FHIT: variants seen among roughly 807,000 people sequenced by gnomAD.
The protein encoded by FHIT is bis(5'-adenosyl)-triphosphatase.
A neutral mutation model predicts 17.9 loss-of-function variants in FHIT; 19 were observed. The observed-to-expected ratio is 1.06, with a 90% CI of 0.74 to 1.56. The LOEUF (loss-of-function observed/expected upper bound fraction) is 1.56. Ranked by LOEUF, FHIT falls within the 40% of genes most tolerant of loss-of-function variation. The pLI is 0.00. For missense variants in FHIT, 248 were observed against 189.2 expected, an observed-to-expected ratio of 1.31 and a Z score of -1.82; for synonymous variants, 81 against 69.7, an observed-to-expected ratio of 1.16 and a Z score of -0.81.
At chr3:60,759,292 C>T (rs558598968) in intron 4 of FHIT, among the ~76,000 whole-genome samples, 32 of 152,258 alleles carry the variant, frequency 2.1e-4, no homozygotes, top group African/African-American at 6.7e-4. Flanking sequence ...AGAACACTTA[C>T]GCAAAAGTCT....
At chr3:61,048,435 C>T (rs2033897612) in intron 2 of FHIT, among the ~76,000 whole-genome samples, 2 of 152,170 alleles carry the variant, frequency 1.3e-5, no homozygotes, top group Non-Finnish European at 2.9e-5. Flanking sequence ...GAGATACCAT[C>T]TCACATCAGT....
chr3:60,710,195 G>T (rs1320420273), intron 4 of FHIT, among the ~76,000 whole-genome samples: 1 of 151,874 alleles, frequency 6.6e-6, no homozygotes, highest in East Asian at 1.9e-4. Flanking sequence ...ATAGTGCATG[G>T]CAGTGAAAAA....
At chr3:59,948,791 CT>C (rs1248332732) in intron 7 of FHIT, among the ~76,000 whole-genome samples, 2 of 151,994 alleles carry the variant, frequency 1.3e-5, no homozygotes, top group Non-Finnish European at 2.9e-5. Context: ...CTATTTATGT[CT>C]TTTGTCCACT....
At chr3:61,212,806 G>A (rs547098791) in intron 1 of FHIT, among the ~76,000 whole-genome samples, 22 of 152,288 alleles carry the variant, frequency 1.4e-4, no homozygotes, top group Admixed American at 2.6e-4. Context: ...CGGATATCTC[G>A]GCAGAAATTC....
intron 7 of FHIT, among the ~76,000 whole-genome samples, chr3:59,935,747 G>A (rs544056328): frequency 6.6e-6 from 1 of 152,066 alleles, no homozygotes; most frequent in South Asian, 2.1e-4. Flanking sequence ...ACATGAGTGG[G>A]AATGTGGACA....
intron 4 of FHIT, among the ~76,000 whole-genome samples, chr3:60,625,884 T>G (rs895888588): frequency 1.3e-5 from 2 of 152,224 alleles, no homozygotes; most frequent in Non-Finnish European, 2.9e-5. Context: ...CTTTTACATT[T>G]GAGGCCAAGA....
At chr3:60,802,632 G>A (rs1385757902) in intron 4 of FHIT, among the ~76,000 whole-genome samples, 1 of 151,912 alleles carries the variant, frequency 6.6e-6, no homozygotes, top group East Asian at 1.9e-4. Flanking sequence ...TTTAATAAAA[G>A]CAAAGAAAAA....
chr3:59,752,972 T>C (rs1701002900), intron 8 of FHIT, among the ~76,000 whole-genome samples: 1 of 152,124 alleles, frequency 6.6e-6, no homozygotes. Context: ...ATGGGGAGCA[T>C]TTGCCATTCC....
intron 4 of FHIT, among the ~76,000 whole-genome samples, chr3:60,636,469 A>G (rs2039588163): frequency 6.6e-6 from 1 of 152,142 alleles, no homozygotes; most frequent in African/African-American, 2.4e-5. Flanking sequence ...CTTTCCACAA[A>G]AGGGAGCTGG....
intron 4 of FHIT, among the ~76,000 whole-genome samples, chr3:60,760,464 G>A (rs1202869286): frequency 6.6e-6 from 1 of 152,208 alleles, no homozygotes; most frequent in Non-Finnish European, 1.5e-5. Context: ...AGGGCAAGTG[G>A]GTGGAGTAGG....
intron 8 of FHIT, among the ~76,000 whole-genome samples, chr3:59,915,568 A>T (rs1321935537): frequency 6.6e-6 from 1 of 152,128 alleles, no homozygotes; most frequent in Non-Finnish European, 1.5e-5. Context: ...CAATGACTTC[A>T]TGATCTTCCT....
At chr3:60,967,688 C>G (rs1005192578) in intron 3 of FHIT, among the ~76,000 whole-genome samples, 2 of 152,062 alleles carry the variant, frequency 1.3e-5, no homozygotes, top group African/African-American at 4.8e-5. Flanking sequence ...ATATGAAAAA[C>G]AAGATCAATA....
chr3:60,017,970 C>T (rs1472198178), intron 5 of FHIT, among the ~76,000 whole-genome samples: 3 of 152,184 alleles, frequency 2.0e-5, no homozygotes, highest in African/African-American at 7.2e-5. Context: ...TATTTCCCCT[C>T]CCCTTGAGTG....
At chr3:60,076,122 T>G (rs1702995350) in intron 5 of FHIT, among the ~76,000 whole-genome samples, 1 of 152,090 alleles carries the variant, frequency 6.6e-6, no homozygotes, top group African/African-American at 2.4e-5. Context: ...TCATCTAATA[T>G]TAGGAAAGCC....
intron 4 of FHIT, among the ~76,000 whole-genome samples, chr3:60,567,254 A>G (rs909917945): frequency 1.3e-5 from 2 of 152,106 alleles, no homozygotes; most frequent in African/African-American, 4.8e-5. Flanking sequence ...ACTGGTACCA[A>G]AACAGAGATA....
intron 7 of FHIT, among the ~76,000 whole-genome samples, chr3:59,997,087 G>C (rs563932754): frequency 5.9e-5 from 9 of 152,028 alleles, no homozygotes; most frequent in Non-Finnish European, 1.3e-4. Flanking sequence ...TCTAAGTACC[G>C]CAATAAATAC....
At chr3:60,959,976 T>C (rs1390674403) in intron 3 of FHIT, among the ~76,000 whole-genome samples, 4 of 151,896 alleles carry the variant, frequency 2.6e-5, no homozygotes, top group African/African-American at 9.7e-5. Flanking sequence ...AAGCAAAAAA[T>C]ATATACTTTG....
chr3:60,536,820 A>C, intron 5 of FHIT, 40 bp downstream of exon 5: 2 of 1,564,510 alleles, frequency 1.3e-6, no homozygotes, highest in South Asian at 2.5e-5. Context: ...GGCTCAGAAG[A>C]CTTTTATTTT....
intron 7 of FHIT, among the ~76,000 whole-genome samples, chr3:59,956,432 G>T (rs1707402316): frequency 6.6e-6 from 1 of 152,216 alleles, no homozygotes; most frequent in Non-Finnish European, 1.5e-5. Context: ...CACTTTGGGA[G>T]GCCGAGGCGG....
Sources: allele counts gnomAD v4.1 joint callset (sites outside exome capture counted in the v4.1 genomes callset), GRCh38; gene constraint gnomAD v4.1.1; transcripts MANE v1.5; gene names NCBI Gene and HGNC (gene_info 2026-07-23, HGNC 2026-07-21).